ROBO2: variants seen among roughly 807,000 people sequenced by gnomAD.
ROBO2 encodes the protein roundabout homolog 2.
In ROBO2, 53 loss-of-function variants were observed where a neutral mutation model predicts 160.8. The ratio of observed to expected loss-of-function variants is 0.33; its 90% CI spans 0.26 to 0.41. The LOEUF (loss-of-function observed/expected upper bound fraction) is 0.41, where lower values mean the gene tolerates loss of function less well. ROBO2 is among the 10% of genes least tolerant of loss of function. The pLI is 1.00. For synonymous variants in ROBO2, 664 were observed against 611.7 expected, an observed-to-expected ratio of 1.09 and a Z score of -1.26; for missense variants, 1,577 against 1,722.4, an observed-to-expected ratio of 0.92 and a Z score of 1.49.
At chr3:77,211,345 A>G (rs1206519209) in intron 2 of ROBO2, among the ~76,000 whole-genome samples, 1 of 152,152 alleles carries the variant, frequency 6.6e-6, no homozygotes, top group Non-Finnish European at 1.5e-5. Flanking sequence ...GCCAGTGATG[A>G]TGAGCATTTT....
chr3:76,400,269 G>A (rs572175133), intron 2 of ROBO2, among the ~76,000 whole-genome samples: 20 of 151,594 alleles, frequency 1.3e-4, no homozygotes, highest in African/African-American at 3.1e-4. Flanking sequence ...CTCAATAACC[G>A]TTTTCATTTC....
At chr3:77,210,912 A>C (rs183404581) in intron 2 of ROBO2, among the ~76,000 whole-genome samples, 1 of 152,218 alleles carries the variant, frequency 6.6e-6, no homozygotes, top group Non-Finnish European at 1.5e-5. Context: ...TACAAAGGAC[A>C]TGAACTTATC....
chr3:76,847,401 G>A (rs780231785), intron 2 of ROBO2, among the ~76,000 whole-genome samples: 22 of 152,226 alleles, frequency 1.4e-4, no homozygotes, highest in Non-Finnish European at 2.8e-4. Flanking sequence ...ATCAAGCTAA[G>A]TGAAATGTAT....
At chr3:77,014,531 A>G (rs2062116833) in intron 2 of ROBO2, among the ~76,000 whole-genome samples, 2 of 152,186 alleles carry the variant, frequency 1.3e-5, no homozygotes, top group African/African-American at 4.8e-5. Flanking sequence ...ACTTTCTAAG[A>G]TGCAAGACCC....
intron 2 of ROBO2, among the ~76,000 whole-genome samples, chr3:76,106,768 A>G (rs1168197014): frequency 6.6e-6 from 1 of 152,140 alleles, no homozygotes; most frequent in African/African-American, 2.4e-5. Flanking sequence ...AATTATTTGT[A>G]ATGATATTTG....
intron 2 of ROBO2, among the ~76,000 whole-genome samples, chr3:76,714,279 G>A (rs2093345823): frequency 6.6e-6 from 1 of 152,066 alleles, no homozygotes; most frequent in South Asian, 2.1e-4. Flanking sequence ...CATTGGGAGG[G>A]AATGAGATGA....
chr3:76,830,998 AAATT>A (rs1324650331), intron 2 of ROBO2, among the ~76,000 whole-genome samples: 3 of 152,066 alleles, frequency 2.0e-5, no homozygotes, highest in African/African-American at 4.8e-5. Flanking sequence ...TCAAAAAAAT[AAATT>A]AATTAATAAT....
At chr3:75,949,924 C>G (rs536891469) in intron 2 of ROBO2, among the ~76,000 whole-genome samples, 73 of 152,082 alleles carry the variant, frequency 4.8e-4, no homozygotes, top group African/African-American at 1.6e-3. Context: ...AAATCATTTG[C>G]AAACAAATGG....
intron 2 of ROBO2, among the ~76,000 whole-genome samples, chr3:76,838,652 C>T (rs576216808): frequency 6.6e-6 from 1 of 152,150 alleles, no homozygotes; most frequent in East Asian, 1.9e-4. Flanking sequence ...AACATTAAAT[C>T]GCTGTAGTTT....
intron 2 of ROBO2, among the ~76,000 whole-genome samples, chr3:77,411,132 A>G (rs2076767093): frequency 1.3e-5 from 2 of 152,120 alleles, no homozygotes; most frequent in Non-Finnish European, 2.9e-5. Flanking sequence ...TCTTATAAGC[A>G]CAGAGCAGAA....
intron 2 of ROBO2, among the ~76,000 whole-genome samples, chr3:77,410,744 T>TCCTCCTCCTTC (rs1560759245): frequency 3.5e-5 from 1 of 28,938 alleles, no homozygotes; most frequent in African/African-American, 1.5e-4. Flanking sequence ...CCTCCTCCTT[T>TCCTCCTCCTTC]TCCTCCTCCT....
chr3:76,455,979 A>G (rs1247809559), intron 2 of ROBO2, among the ~76,000 whole-genome samples: 3 of 152,194 alleles, frequency 2.0e-5, no homozygotes, highest in Non-Finnish European at 4.4e-5. Context: ...GACTCTATGA[A>G]TACACAAAAA....
At chr3:76,432,129 C>T (rs947273829) in intron 2 of ROBO2, among the ~76,000 whole-genome samples, 2 of 152,056 alleles carry the variant, frequency 1.3e-5, no homozygotes, top group Non-Finnish European at 2.9e-5. Context: ...AACTTTATAA[C>T]ACAATTAATA....
intron 2 of ROBO2, among the ~76,000 whole-genome samples, chr3:76,049,988 G>T (rs999868545): frequency 3.3e-5 from 5 of 152,216 alleles, no homozygotes; most frequent in African/African-American, 1.2e-4. Context: ...TCTGACAGTA[G>T]TTGGTAGCTG....
At chr3:76,368,609 A>G (rs1216789271) in intron 2 of ROBO2, among the ~76,000 whole-genome samples, 7 of 151,966 alleles carry the variant, frequency 4.6e-5, no homozygotes, top group Non-Finnish European at 1.0e-4. Flanking sequence ...CATGGCAGCA[A>G]AAAGCTCCCA....
chr3:76,574,894 A>T (rs1243623554), intron 2 of ROBO2, among the ~76,000 whole-genome samples: 1 of 152,094 alleles, frequency 6.6e-6, no homozygotes, highest in African/African-American at 2.4e-5. Flanking sequence ...AAAATTAAAA[A>T]CCTATTTAAA....
At chr3:76,484,925 C>G (rs775194228) in intron 2 of ROBO2, among the ~76,000 whole-genome samples, 4 of 152,028 alleles carry the variant, frequency 2.6e-5, no homozygotes, top group Non-Finnish European at 4.4e-5. Context: ...CCTGTCACTA[C>G]GCAGGGCCCT....
intron 2 of ROBO2, among the ~76,000 whole-genome samples, chr3:76,710,361 C>A (rs1471318285): frequency 6.6e-6 from 1 of 152,112 alleles, no homozygotes; most frequent in Non-Finnish European, 1.5e-5. Context: ...CCTTGTGATC[C>A]TCCTGCCTTG....
At chr3:76,079,390 A>T (rs1023781486) in intron 2 of ROBO2, among the ~76,000 whole-genome samples, 2 of 152,112 alleles carry the variant, frequency 1.3e-5, no homozygotes, top group Non-Finnish European at 2.9e-5. Context: ...GTATGTGTGT[A>T]TCAAAATATC....
Sources: gnomAD v4.1 joint callset for allele counts (sites outside exome capture counted in the v4.1 genomes callset) on GRCh38, gnomAD v4.1.1 for gene constraint, MANE v1.5 for transcripts, NCBI Gene and HGNC (gene_info 2026-07-23, HGNC 2026-07-21) for gene names.